Variants in RALGAPA2 observed in about 807,000 individuals in gnomAD.
RALGAPA2 encodes the protein Ral GTPase activating protein catalytic subunit alpha 2, also known as ral GTPase-activating protein subunit alpha-2.
Under a neutral mutation model 230.4 loss-of-function variants are expected in RALGAPA2, and 139 were observed. The observed-to-expected ratio is 0.60, with a 90% CI of 0.53 to 0.69. The LOEUF is 0.69. RALGAPA2 is among the 30% of genes least tolerant of loss of function. The pLI is 0.00. For synonymous variants in RALGAPA2, 847 were observed against 837.8 expected (o/e 1.01, Z -0.19); for missense variants, 2,163 against 2,276.0 (o/e 0.95, Z 1.01).
chr20:20,640,350 T>G (rs771084288), intron 6 of RALGAPA2, among the ~76,000 whole-genome samples: 3 of 152,058 alleles, frequency 2.0e-5, no homozygotes, highest in Non-Finnish European at 4.4e-5. Flanking sequence ...CGAACAACAG[T>G]GATAAGAACA....
chr20:20,505,473 T>C lies in RALGAPA2; in HGVS notation c.4990A>G (p.Ile1664Val), dbSNP rs1217502688. The change falls in exon 34 of 40, where the codon ATC becomes GTC. Residue 1664 changes from isoleucine to valine, a missense_variant. Physicochemically the swap from Ile to Val is conservative, Grantham distance 29. Transcript: ENST00000202677. ...TGGCTTCCTCTTTCATTAGAGAGGA[T>C]TGAACACTTGTCTTCTTGACCTTCA... ...IAEGQEDKCS[I>V]LSNERGSQAY... The C allele has an allele frequency of 4.4e-6, 7 of 1,604,504 alleles. No individual in the cohort carries two copies. Among genetic ancestry groups the C allele is most frequent in the East Asian group, 2.2e-5 (1 of 44,696 alleles).
chr20:20,460,603 G>A (rs1214028772), intron 37 of RALGAPA2, among the ~76,000 whole-genome samples: 4 of 152,152 alleles, frequency 2.6e-5, no homozygotes, highest in Non-Finnish European at 5.9e-5. Flanking sequence ...CCCAACATGA[G>A]ACGTAGAAAA....
At chr20:20,619,133 A>T in intron 12 of RALGAPA2, 144 bp downstream of exon 12, 2 of 899,700 alleles carry the variant, frequency 2.2e-6, no homozygotes, top group Non-Finnish European at 3.0e-6. Context: ...TGTAATAGCT[A>T]ATTAAATTGC....
intron 36 of RALGAPA2, among the ~76,000 whole-genome samples, chr20:20,474,859 G>C (rs900460746): frequency 3.9e-5 from 6 of 152,140 alleles, no homozygotes; most frequent in African/African-American, 1.4e-4. Flanking sequence ...GGTTGAAGCT[G>C]TTCACTTAGA....
chr20:20,480,347 G>A (rs2061746449), intron 36 of RALGAPA2, among the ~76,000 whole-genome samples: 1 of 152,144 alleles, frequency 6.6e-6, no homozygotes, highest in Non-Finnish European at 1.5e-5. Flanking sequence ...GTTACAGGAG[G>A]GCCTACCCAC....
rs927044611 is a variant in RALGAPA2, at chr20:20,712,617, C to T, written c.-137G>A. 8 of 1,192,120 alleles carry T rather than the reference C, an allele frequency of 6.7e-6. No individual in the cohort carries two copies. Among genetic ancestry groups the T allele is most frequent in the Non-Finnish European group, 8.3e-6 (8 of 958,254 alleles). The allele number at this position is 1,192,120 out of a possible 1,614,324, so 73.8% of individuals were successfully genotyped here. A position where few individuals can be genotyped will look rare whatever the true frequency, so the allele number is the denominator to read the frequency against. ...AGCCCCGCTGCTGCCGCCGCCGCCG[C>T]CGCCGCCGCCGCCTCAGCTGTGTCT... On this transcript the variant is annotated 5_prime_UTR_variant, in exon 1 of 40. Transcript: ENST00000202677. The surrounding 1 kb of genome is among the most constrained non-coding windows in gnomAD (Gnocchi z 5.5).
At chr20:20,497,146 C>G (rs1228389476) in intron 35 of RALGAPA2, among the ~76,000 whole-genome samples, 1 of 152,142 alleles carries the variant, frequency 6.6e-6, no homozygotes, top group Non-Finnish European at 1.5e-5. Flanking sequence ...AAAATACAAC[C>G]CTGGGCCTCC....
rs751391293 is a variant in RALGAPA2, at chr20:20,524,861, G to A, written c.3731C>T (p.Ala1244Val). The change falls in exon 29 of 40, where the codon GCA becomes GTA. Residue 1244 changes from alanine to valine, a missense_variant. Physicochemically the swap from Ala to Val is moderately conservative, Grantham distance 64 (BLOSUM62 0). Transcript: ENST00000202677. ...VATVAFLLPS[A>V]EYSSVETDKK... The stretch of plus-strand genomic sequence containing the variant: ...GTCTGTTTCCACTGAGGAGTACTCT[G>A]CACTTGGTAAAAGAAAAGCAACTGT... 3.7e-6 allele frequency: 6 copies of A among 1,610,896 alleles called. No homozygotes were observed. In the African/African-American group the frequency reaches 8.0e-5, roughly 22 times the overall value.
At chr20:20,487,961 A>G (rs573838448) in intron 36 of RALGAPA2, among the ~76,000 whole-genome samples, 1 of 152,222 alleles carries the variant, frequency 6.6e-6, no homozygotes, top group South Asian at 2.1e-4. Context: ...TGTTAAGAAC[A>G]AAATACTTTG....
intron 16 of RALGAPA2, among the ~76,000 whole-genome samples, chr20:20,595,988 A>C (rs1295504386): frequency 6.6e-6 from 1 of 152,132 alleles, no homozygotes; most frequent in Admixed American, 6.5e-5. Flanking sequence ...CAAACAAAAA[A>C]ACTGTAGAAC....
chr20:20,632,995 C>T lies in RALGAPA2; in HGVS notation c.1005+2423G>A, dbSNP rs1233937521. On this transcript the variant is annotated intron_variant, in intron 9 of 39. Coordinates refer to ENST00000202677, the MANE Select transcript of RALGAPA2 (RefSeq NM_020343.4). ...ATAAAGTCAAACCTCATTTCTTCCA[C>T]GGCTACTGGGTCTTTCTCTCTCTCT... Among the ~76,000 whole-genome samples the T allele has an allele frequency of 2.6e-5, 4 of 151,722 alleles. No homozygotes were observed. In the East Asian group the frequency reaches 5.8e-4, roughly 22 times the overall value.
chr20:20,422,315 C>T (rs778137023), intron 37 of RALGAPA2, among the ~76,000 whole-genome samples: 28 of 152,090 alleles, frequency 1.8e-4, no homozygotes, highest in Non-Finnish European at 3.5e-4. Flanking sequence ...TAAATGCCCC[C>T]AGGCTGGGTG....
At chr20:20,475,282 A>G (rs2061625957) in intron 36 of RALGAPA2, among the ~76,000 whole-genome samples, 1 of 152,134 alleles carries the variant, frequency 6.6e-6, no homozygotes, top group Non-Finnish European at 1.5e-5. Flanking sequence ...CTATGGACTA[A>G]TATCTCTCAG....
In RALGAPA2 at chr20:20,712,540, C is replaced by T; in HGVS notation, c.-60G>A. The T allele has an allele frequency of 6.6e-7, 1 of 1,506,384 alleles. No individual in the cohort carries two copies. Among genetic ancestry groups the T allele is most frequent in the Non-Finnish European group, 8.9e-7 (1 of 1,128,032 alleles). 93.3% of individuals were successfully genotyped at this position (1,506,384 alleles called of 1,614,324 possible). A position where few individuals can be genotyped will look rare whatever the true frequency, so the allele number is the denominator to read the frequency against. The stretch of plus-strand genomic sequence containing the variant: ...CAGTAGGCGCCTGCGCCACGCGAAT[C>T]AAAGCATAGGGTCGAGGCCGGCGCG... On this transcript the variant is annotated 5_prime_UTR_variant, in exon 1 of 40. The change abolishes the stop of an existing upstream ORF in the 5' untranslated region. Transcript: ENST00000202677. This position sits in a 1 kb window ranked among gnomAD's most constrained non-coding sequence, Gnocchi z 5.5.
At chr20:20,394,564 G>A (rs1407330021) in intron 39 of RALGAPA2, among the ~76,000 whole-genome samples, 1 of 152,004 alleles carries the variant, frequency 6.6e-6, no homozygotes, top group Non-Finnish European at 1.5e-5. Context: ...TTTGAGCCTG[G>A]GAGGTCAAGG....
At chr20:20,632,568 C>T (rs1159788749) in intron 9 of RALGAPA2, among the ~76,000 whole-genome samples, 2 of 152,190 alleles carry the variant, frequency 1.3e-5, no homozygotes, top group Non-Finnish European at 1.5e-5. Context: ...GGAAAGGTTA[C>T]ACCCATTAAT....
intron 16 of RALGAPA2, among the ~76,000 whole-genome samples, chr20:20,592,907 G>A (rs544791313): frequency 3.9e-5 from 6 of 151,992 alleles, no homozygotes; most frequent in Non-Finnish European, 8.8e-5. Context: ...AAATTTGTGT[G>A]ATCCTTCACT....
chr20:20,583,300 A>G (rs2065041822), intron 19 of RALGAPA2, 74 bp from the exon 20 acceptor site: 1 of 1,410,242 alleles, frequency 7.1e-7, no homozygotes, highest in Non-Finnish European at 9.7e-7. Flanking sequence ...TACTGATACG[A>G]AAGTAACTAA....
At chr20:20,701,525 T>G (rs1021245498) in intron 1 of RALGAPA2, among the ~76,000 whole-genome samples, 2 of 151,622 alleles carry the variant, frequency 1.3e-5, no homozygotes, top group Non-Finnish European at 2.9e-5. Flanking sequence ...GATCACGAGG[T>G]CAGGAGTTCA....
Sources: allele counts gnomAD v4.1 joint callset (sites outside exome capture counted in the v4.1 genomes callset), GRCh38; gene constraint gnomAD v4.1.1; non-coding constraint Gnocchi (gnomAD v3.1); transcripts MANE v1.5; gene names NCBI Gene and HGNC (gene_info 2026-07-23, HGNC 2026-07-21).